RALGAPB: variants seen among roughly 807,000 people sequenced by gnomAD.
The protein encoded by RALGAPB is Ral GTPase activating protein non-catalytic subunit beta.
RALGAPB carries 25 observed loss-of-function variants against 161.1 expected under a neutral mutation model. That is an observed-to-expected ratio of 0.16 (90% CI 0.11 to 0.22). The LOEUF is 0.22. Ranked by LOEUF, RALGAPB falls within the 10% of genes least tolerant of loss-of-function variation. The pLI, the probability that RALGAPB is intolerant of heterozygous loss-of-function variation, is 1.00. For synonymous variants in RALGAPB, 629 were observed against 626.1 expected, an observed-to-expected ratio of 1.00 and a Z score of -0.07; for missense variants, 1,391 against 1,815.2, an observed-to-expected ratio of 0.77 and a Z score of 4.25.
At chr20:38,488,687 T>C (rs2085188557) in intron 2 of RALGAPB, 69 bp downstream of exon 2, 15 of 1,460,448 alleles carry the variant, frequency 1.0e-5, no homozygotes, top group Non-Finnish European at 1.4e-5. Context: ...TTGTTTAATG[T>C]TAACTTTTTT....
chr20:38,562,992 C>T (rs2087841323), intron 24 of RALGAPB, among the ~76,000 whole-genome samples: 1 of 152,122 alleles, frequency 6.6e-6, no homozygotes, highest in African/African-American at 2.4e-5. Flanking sequence ...GGGAGGATCA[C>T]TTGAGGCCAG....
In RALGAPB at chr20:38,576,189, A is replaced by ACAGTGCTACAGC. The variant is rs2088430051; in HGVS notation, c.*1222_*1223insCAGTGCTACAGC. ...AGGATTCCTGTTACAGTGCTACAGT[A>ACAGTGCTACAGC]TACACTGCTCATTTATCCTATTCTC... On this transcript the variant is annotated 3_prime_UTR_variant, in exon 30 of 30. Transcript: ENST00000262879. 1 of 152,664 alleles carries ACAGTGCTACAGC rather than the reference A, an allele frequency of 6.6e-6. No homozygotes were observed. Among genetic ancestry groups the ACAGTGCTACAGC allele is most frequent in the Non-Finnish European group, 1.5e-5 (1 of 68,052 alleles). 9.5% of individuals were successfully genotyped at this position (152,664 alleles called of 1,614,324 possible).
chr20:38,532,605 T>TA (rs974262098), intron 14 of RALGAPB, 125 bp from the exon 15 acceptor site: 1 of 1,137,870 alleles, frequency 8.8e-7, no homozygotes, highest in Non-Finnish European at 1.3e-6. Flanking sequence ...CAATTTCTGT[T>TA]ACTATCAGTT....
intron 1 of RALGAPB, among the ~76,000 whole-genome samples, chr20:38,473,665 C>G (rs933557210): frequency 2.0e-5 from 3 of 152,164 alleles, no homozygotes; most frequent in African/African-American, 7.2e-5. Flanking sequence ...GGTCACATAG[C>G]TAGTAATTTG....
At position 38,548,721 on chromosome 20, in the gene RALGAPB, C is replaced by G; in HGVS notation, c.2935C>G (p.Arg979Gly). 6.2e-7 allele frequency: 1 copy of G among 1,613,876 alleles called. No individual in the cohort carries two copies. The highest frequency in any genetic ancestry group is 8.5e-7 in the Non-Finnish European group (1 of 1,179,856). The stretch of plus-strand genomic sequence containing the variant: ...TTTCCCCTCTGTCACTGTGCTGGTC[C>G]GGGGAATGTCTGGAAGACTTGCTTG... ...DFFPSVTVLVRGMSGRLAWAQ... is the reference protein window; with the variant it reads ...DFFPSVTVLVGGMSGRLAWAQ... Residue 979 changes from arginine to glycine, a missense_variant, in exon 20 of 30, where the codon CGG becomes GGG. By Grantham distance (125) the Arg-to-Gly change is moderately radical (BLOSUM62 -2). Transcript: ENST00000262879.
In RALGAPB at chr20:38,575,033, A is replaced by G. The variant is rs140477117; in HGVS notation, c.*66A>G. 1.9e-4 allele frequency: 243 copies of G among 1,293,212 alleles called. No homozygotes were observed. The African/African-American group carries it at 3.0e-3, about 16-fold the overall frequency. 80.1% of individuals were successfully genotyped at this position (1,293,212 alleles called of 1,614,324 possible). A position where few individuals can be genotyped will look rare whatever the true frequency, so the allele number is the denominator to read the frequency against. On this transcript the variant is annotated 3_prime_UTR_variant, in exon 30 of 30. Transcript: ENST00000262879. ...CTATAACACAGCAGAACAGTTTGAT[A>G]GGTGATCACTGTAAAAATAAAAACA...
chr20:38,525,898 G>A lies in RALGAPB; in HGVS notation c.1906G>A (p.Val636Ile). ...ATATTATTTGTTTTTTCCATAGGTG[G>A]TCCTGGAAGGAAAGTTTAGTAACGA... Reference protein sequence around the residue: ...HHFGTVKSEVVLEGKFSNDDS... With the variant: ...HHFGTVKSEVILEGKFSNDDS... The change falls in exon 13 of 30, where the codon GTC becomes ATC. Residue 636 changes from valine (V) to isoleucine (I), a missense_variant. Coordinates refer to ENST00000262879, the MANE Select transcript of RALGAPB (RefSeq NM_020336.4). 1 of 1,611,558 alleles carries A rather than the reference G, an allele frequency of 6.2e-7. No individual in the cohort carries two copies. Among genetic ancestry groups the A allele is most frequent in the Non-Finnish European group, 8.5e-7 (1 of 1,179,364 alleles).
At chr20:38,570,882 CT>C (rs764763742) in intron 28 of RALGAPB, 35 bp downstream of exon 28, 15 of 1,345,242 alleles carry the variant, frequency 1.1e-5, no homozygotes, top group Admixed American at 1.8e-5. Flanking sequence ...ATCAGCGTGT[CT>C]TTTTTTAACA....
intron 6 of RALGAPB, among the ~76,000 whole-genome samples, chr20:38,513,419 G>A (rs531979984): frequency 1.3e-5 from 2 of 150,300 alleles, no homozygotes; most frequent in East Asian, 2.0e-4. Flanking sequence ...CAGGAGAATC[G>A]CTTGAACCGG....
intron 6 of RALGAPB, among the ~76,000 whole-genome samples, chr20:38,511,045 T>C (rs2085932654): frequency 1.3e-5 from 2 of 152,332 alleles, no homozygotes; most frequent in South Asian, 2.1e-4. Flanking sequence ...CTCAGTGTTA[T>C]AAGCAGGATT....
chr20:38,567,773 C>A (rs2088062747), intron 26 of RALGAPB, among the ~76,000 whole-genome samples: 1 of 152,116 alleles, frequency 6.6e-6, no homozygotes, highest in South Asian at 2.1e-4. Flanking sequence ...TGACTTAGAA[C>A]AAAACATAAC....
intron 23 of RALGAPB, among the ~76,000 whole-genome samples, chr20:38,561,896 C>T (rs184409327): frequency 6.6e-6 from 1 of 152,046 alleles, no homozygotes; most frequent in Admixed American, 6.6e-5. Flanking sequence ...GCAAAATCAC[C>T]CCTAGATGAG....
chr20:38,488,723 T>A, intron 2 of RALGAPB, 105 bp downstream of exon 2: 1 of 1,102,754 alleles, frequency 9.1e-7, no homozygotes, highest in Non-Finnish European at 1.3e-6. Flanking sequence ...AAAAGAGCTG[T>A]AGTAGAATAA....
chr20:38,481,391 C>T (rs35343951), intron 1 of RALGAPB, among the ~76,000 whole-genome samples: 2,258 of 152,298 alleles, frequency 0.015, 37 homozygotes, highest in Non-Finnish European at 0.022. Flanking sequence ...CCTAGTTCCA[C>T]GTGGCTGGGG....
chr20:38,558,788 C>T (rs1459831373), intron 23 of RALGAPB, among the ~76,000 whole-genome samples: 1 of 152,158 alleles, frequency 6.6e-6, no homozygotes, highest in African/African-American at 2.4e-5. Context: ...AGCTAATGAA[C>T]TGTTGGTGGT....
At chr20:38,522,487 C>T (rs1466471107) in intron 10 of RALGAPB, among the ~76,000 whole-genome samples, 1 of 152,190 alleles carries the variant, frequency 6.6e-6, no homozygotes, top group East Asian at 1.9e-4. Context: ...ATACTTTAGA[C>T]TTTGTCACTT....
intron 24 of RALGAPB, among the ~76,000 whole-genome samples, chr20:38,564,433 C>A (rs2087908611): frequency 6.6e-6 from 1 of 152,152 alleles, no homozygotes; most frequent in Non-Finnish European, 1.5e-5. Context: ...ATACCTTCAC[C>A]AGAATTAGGT....
In RALGAPB at chr20:38,576,995, T is replaced by C. The variant is rs2088462612; in HGVS notation, c.*2028T>C. On this transcript the variant is annotated 3_prime_UTR_variant, in exon 30 of 30. Coordinates refer to ENST00000262879, the MANE Select transcript of RALGAPB (RefSeq NM_020336.4). ...TGATCCTTCAGTTAGCTCTAAATTC[T>C]GGCAACTCCTTGTAATTCCAATGTA... The C allele has an allele frequency of 6.6e-6, 1 of 152,640 alleles. No individual in the cohort carries two copies. Among genetic ancestry groups the C allele is most frequent in the Non-Finnish European group, 1.5e-5 (1 of 68,036 alleles). 9.5% of individuals were successfully genotyped at this position (152,640 alleles called of 1,614,324 possible).
intron 27 of RALGAPB, 90 bp downstream of exon 27, chr20:38,570,086 G>A: frequency 9.5e-7 from 1 of 1,048,790 alleles, no homozygotes; most frequent in Non-Finnish European, 1.4e-6. Flanking sequence ...CATAAGCCTG[G>A]TGTGGCCAGG....
Sources: gnomAD v4.1 joint callset for allele counts (sites outside exome capture counted in the v4.1 genomes callset) on GRCh38, gnomAD v4.1.1 for gene constraint, MANE v1.5 for transcripts, NCBI Gene and HGNC (gene_info 2026-07-23, HGNC 2026-07-21) for gene names.